LPA: variants seen among roughly 807,000 people sequenced by gnomAD.
LPA encodes apolipoprotein(a).
Under a neutral mutation model 197.9 loss-of-function variants are expected in LPA, and 199 were observed. The ratio of observed to expected loss-of-function variants is 1.01; its 90% confidence interval spans 0.90 to 1.13. The LOEUF is 1.13. LPA is among the 50% of genes most tolerant of loss of function. The probability of loss-of-function intolerance (pLI) is 0.00; values close to 1 mark genes in which losing one functional copy is unlikely to be tolerated. For missense variants in LPA, 1,853 were observed against 1,785.8 expected (o/e 1.04, Z -0.68); for synonymous variants, 715 against 639.5 (o/e 1.12, Z -1.78).
intron 16 of LPA, among the ~76,000 whole-genome samples, chr6:160,608,281 C>T (rs895439109): frequency 1.2e-4 from 18 of 152,182 alleles, no homozygotes; most frequent in South Asian, 2.1e-4. Context: ...TTACAGTTTC[C>T]GGTTTCTTTG....
chr6:160,609,095 A>G (rs1779423533), intron 16 of LPA, among the ~76,000 whole-genome samples: 1 of 151,822 alleles, frequency 6.6e-6, no homozygotes, highest in Non-Finnish European at 1.5e-5. Context: ...CTTTTTTTAA[A>G]TATTTGAAAT....
intron 1 of LPA, 31 bp downstream of exon 1, chr6:160,664,135 A>T: frequency 1.3e-6 from 2 of 1,574,974 alleles, no homozygotes; most frequent in Non-Finnish European, 1.7e-6. Context: ...AGAAAAAATA[A>T]TTCTTATAAT....
At chr6:160,654,045 TATATA>T (rs1562354926) in intron 1 of LPA, among the ~76,000 whole-genome samples, 9 of 9,324 alleles carry the variant, frequency 9.7e-4, no homozygotes, top group African/African-American at 3.1e-3. Context: ...TTATATATAA[TATATA>T]ATATATTATA....
chr6:160,570,779 CT>C (rs1778548760), intron 28 of LPA, among the ~76,000 whole-genome samples: 1 of 152,038 alleles, frequency 6.6e-6, no homozygotes, highest in Admixed American at 6.6e-5. Flanking sequence ...CATTTTTTTC[CT>C]TCATTTCAAC....
intron 1 of LPA, among the ~76,000 whole-genome samples, chr6:160,660,335 C>A (rs376857955): frequency 1.3e-5 from 2 of 152,176 alleles, no homozygotes; most frequent in African/African-American, 4.8e-5. Flanking sequence ...TCCCCCTCCT[C>A]CACTCATGTC....
chr6:160,540,150 CAGGATGACCTTGT>C lies in LPA; in HGVS notation c.5615_5627del (p.Tyr1872TrpfsTer7). 6.2e-7 allele frequency: 1 copy of C among 1,614,046 alleles called. No homozygotes were observed. The highest frequency in any genetic ancestry group is 8.5e-7 in the Non-Finnish European group (1 of 1,180,014). Reference sequence around the variant, plus strand: ...CGAGGTTCACTTCTTGGTGTGCACCCAGGATGACCTTGTAGGATGAAGGCCTTGAGGACCTAGA... The same window carrying C: ...CGAGGTTCACTTCTTGGTGTGCACCCAGGATGAAGGCCTTGAGGACCTAGA... On this transcript the variant is annotated frameshift_variant, in exon 36 of 39. Transcript: ENST00000316300. LOFTEE classifies it high-confidence loss of function.
intron 26 of LPA, among the ~76,000 whole-genome samples, chr6:160,584,081 A>G (rs1322880543): frequency 6.6e-6 from 1 of 152,042 alleles, no homozygotes; most frequent in African/African-American, 2.4e-5. Flanking sequence ...CTGCCTGACA[A>G]CCCATATCCC....
In LPA at chr6:160,650,429, A is replaced by ACGTGC. The variant is rs1267234863; in HGVS notation, c.113_117dup (p.Tyr40AlafsTer18). On this transcript the variant is annotated frameshift_variant, in exon 2 of 39. Coordinates refer to ENST00000316300, the MANE Select transcript of LPA (RefSeq NM_005577.4). LOFTEE classifies it high-confidence loss of function. ...GTCCTTCCTGTGACAGTGGTGGAGT[A>ACGTGC]CGTGCCTCGATAACTCTGTCCATCA... The ACGTGC allele has an allele frequency of 6.2e-7, 1 of 1,613,884 alleles. No individual in the cohort carries two copies. The highest frequency in any genetic ancestry group is 1.7e-5 in the Admixed American group (1 of 60,018).
At chr6:160,597,292 G>A (rs1779152444) in intron 20 of LPA, among the ~76,000 whole-genome samples, 1 of 152,332 alleles carries the variant, frequency 6.6e-6, no homozygotes, top group East Asian at 1.9e-4. Flanking sequence ...CTAACTCAGA[G>A]TGTGGGCTTA....
intron 16 of LPA, 81 bp from the exon 17 acceptor site, chr6:160,606,739 AC>A: frequency 1.3e-6 from 2 of 1,552,678 alleles, no homozygotes; most frequent in African/African-American, 1.4e-5. Flanking sequence ...TTGTGCTGCA[AC>A]AAGGTCATTA....
chr6:160,592,844 C>T lies in LPA; in HGVS notation c.3629+1114G>A, dbSNP rs562446583. Among the ~76,000 whole-genome samples the T allele has an allele frequency of 2.6e-5, 4 of 152,246 alleles. No homozygotes were observed. In the East Asian group the frequency reaches 5.8e-4, roughly 22 times the overall value. On this transcript the variant is annotated intron_variant, in intron 22 of 38. Transcript: ENST00000316300. ...CTTTCTTTGACCTCTACTGAATGCCCAAGATGTTCAGTGAGGTGTCTCTCC... is the reference window on the plus strand; with the variant it reads ...CTTTCTTTGACCTCTACTGAATGCCTAAGATGTTCAGTGAGGTGTCTCTCC...
intron 26 of LPA, among the ~76,000 whole-genome samples, chr6:160,582,589 T>C (rs1045071430): frequency 6.6e-6 from 1 of 152,138 alleles, no homozygotes; most frequent in Non-Finnish European, 1.5e-5. Context: ...GTATGTTTTT[T>C]CCCTTGGGCT....
At position 160,602,841 on chromosome 6, in the gene LPA, C is replaced by T. The variant is rs78267170; in HGVS notation, c.2946-1743G>A. Among the ~76,000 whole-genome samples the T allele has an allele frequency of 4.9e-3, 738 of 152,138 alleles. 8 individuals carry two copies. Among genetic ancestry groups the T allele is most frequent in the African/African-American group, 0.017 (702 of 41,502 alleles). On this transcript the variant is annotated intron_variant, in intron 18 of 38. Transcript: ENST00000316300. ...ATGATATCCCCTGTTAACTGGGTTC[C>T]AGTGTTTCTGATGAGAATGCATTAG...
chr6:160,581,163 C>T (rs1175981194), intron 26 of LPA, among the ~76,000 whole-genome samples: 1 of 151,962 alleles, frequency 6.6e-6, no homozygotes, highest in Non-Finnish European at 1.5e-5. Context: ...TGTTTCAGAC[C>T]AATTTTGGAA....
chr6:160,596,414 A>G (rs568586657), intron 20 of LPA, among the ~76,000 whole-genome samples: 1 of 145,332 alleles, frequency 6.9e-6, no homozygotes, highest in African/African-American at 2.6e-5. Flanking sequence ...TTTCTTGTGT[A>G]GATATTTAAG....
intron 26 of LPA, among the ~76,000 whole-genome samples, chr6:160,581,508 C>T (rs1429874496): frequency 6.6e-6 from 1 of 152,050 alleles, no homozygotes; most frequent in East Asian, 1.9e-4. Flanking sequence ...TGCTATGTTG[C>T]CCAGGCTTGT....
chr6:160,647,242 G>C (rs1779907420), intron 2 of LPA, among the ~76,000 whole-genome samples: 1 of 152,204 alleles, frequency 6.6e-6, no homozygotes. Flanking sequence ...GAAGAGGTCG[G>C]ACAGCTATGG....
chr6:160,646,963 A>G (rs557262038), intron 2 of LPA, among the ~76,000 whole-genome samples: 2 of 152,310 alleles, frequency 1.3e-5, no homozygotes, highest in East Asian at 3.9e-4. Context: ...TTTCCCATGG[A>G]AAAGCATTGT....
At chr6:160,599,194 T>A (rs923397056) in intron 20 of LPA, among the ~76,000 whole-genome samples, 3 of 151,980 alleles carry the variant, frequency 2.0e-5, no homozygotes, top group Admixed American at 2.0e-4. Context: ...ATACAAAAAA[T>A]TAGCCGGGTG....
Sources: gnomAD v4.1 joint callset for allele counts (sites outside exome capture counted in the v4.1 genomes callset) on GRCh38, gnomAD v4.1.1 for gene constraint, MANE v1.5 for transcripts, NCBI Gene and HGNC (gene_info 2026-07-23, HGNC 2026-07-21) for gene names.